TMEM178B: variants seen among roughly 807,000 people sequenced by gnomAD.
TMEM178B encodes transmembrane protein 178B.
A neutral mutation model predicts 31.0 loss-of-function variants in TMEM178B; 5 were observed. The observed-to-expected ratio is 0.16, with a 90% CI of 0.08 to 0.34. The LOEUF (loss-of-function observed/expected upper bound fraction) is 0.34. TMEM178B is among the 10% of genes least tolerant of loss of function. The pLI, the probability that TMEM178B is intolerant of heterozygous loss-of-function variation, is 1.00. For missense variants in TMEM178B, 275 were observed against 400.3 expected, an observed-to-expected ratio of 0.69 and a Z score of 2.67; for synonymous variants, 164 against 164.0, an observed-to-expected ratio of 1.00 and a Z score of 0.00.
intron 2 of TMEM178B, among the ~76,000 whole-genome samples, chr7:141,220,000 A>T (rs1342064732): frequency 6.6e-6 from 1 of 152,094 alleles, no homozygotes; most frequent in African/African-American, 2.4e-5. Context: ...CAAGGGAATT[A>T]TAGGTAACGT....
chr7:141,311,212 G>A (rs1481339996), intron 2 of TMEM178B, among the ~76,000 whole-genome samples: 4 of 152,190 alleles, frequency 2.6e-5, no homozygotes, highest in African/African-American at 7.2e-5. Context: ...ATACCTAGGC[G>A]ATGGGTTGAT....
At chr7:141,441,177 G>A (rs1181749) in intron 3 of TMEM178B, among the ~76,000 whole-genome samples, 1 of 152,016 alleles carries the variant, frequency 6.6e-6, no homozygotes, top group Non-Finnish European at 1.5e-5. Flanking sequence ...TGCACTTCCC[G>A]CCTCTTTGCT....
At chr7:141,156,583 CAGA>C (rs1347623456) in intron 1 of TMEM178B, among the ~76,000 whole-genome samples, 2 of 152,184 alleles carry the variant, frequency 1.3e-5, no homozygotes, top group African/African-American at 4.8e-5. Flanking sequence ...GTGACTTCAG[CAGA>C]AGAAGAAAGG....
At chr7:141,483,338 C>T (rs1283101933), downstream of TMEM178B, among the ~76,000 whole-genome samples, 1 of 152,176 alleles carries the variant, frequency 6.6e-6, no homozygotes, top group Non-Finnish European at 1.5e-5. Context: ...CTCTTTCCCT[C>T]TACAGACAAA....
chr7:141,332,895 GT>G (rs905640333), intron 2 of TMEM178B, among the ~76,000 whole-genome samples: 51 of 152,236 alleles, frequency 3.4e-4, no homozygotes, highest in Admixed American at 6.5e-5. Context: ...GTGCTTTGCT[GT>G]TCATTTCCTG....
At chr7:141,352,972 A>C (rs1799760795) in intron 2 of TMEM178B, among the ~76,000 whole-genome samples, 1 of 152,212 alleles carries the variant, frequency 6.6e-6, no homozygotes. Context: ...TTCTTGAGGC[A>C]TTCACAGTTG....
In TMEM178B at chr7:141,471,841, G is replaced by A. The variant is rs1254646216; in HGVS notation, c.*1055G>A. 1 of 151,518 alleles carries A rather than the reference G, an allele frequency of 6.6e-6. No homozygotes were observed. Among genetic ancestry groups the A allele is most frequent in the Admixed American group, 6.6e-5 (1 of 15,112 alleles). 9.4% of individuals were successfully genotyped at this position (151,518 alleles called of 1,614,324 possible). A position where few individuals can be genotyped will look rare whatever the true frequency, so the allele number is the denominator to read the frequency against. On this transcript the variant is annotated 3_prime_UTR_variant, in exon 4 of 4. Coordinates refer to ENST00000565468, the MANE Select transcript of TMEM178B (RefSeq NM_001195278.2). The surrounding 1 kb of genome is among the most constrained non-coding windows in gnomAD (Gnocchi z 4.1). Reference sequence around the variant, plus strand: ...GTGGTGGATGTTTCTTGAGCGTGGGGTTTTATTGTTTGTGTTGTGTTTTTT... The same window carrying A: ...GTGGTGGATGTTTCTTGAGCGTGGGATTTTATTGTTTGTGTTGTGTTTTTT...
At chr7:141,430,469 G>T (rs1259972016) in intron 2 of TMEM178B, among the ~76,000 whole-genome samples, 1 of 152,164 alleles carries the variant, frequency 6.6e-6, no homozygotes, top group African/African-American at 2.4e-5. Context: ...TTTGAAGTAG[G>T]TATTGTCATA....
intron 2 of TMEM178B, among the ~76,000 whole-genome samples, chr7:141,313,135 G>A (rs1798942696): frequency 6.6e-6 from 1 of 152,142 alleles, no homozygotes; most frequent in African/African-American, 2.4e-5. Flanking sequence ...TCTATTTGGA[G>A]GGATTGGAGT....
chr7:141,357,834 A>G (rs1281337943), intron 2 of TMEM178B, among the ~76,000 whole-genome samples: 1 of 152,186 alleles, frequency 6.6e-6, no homozygotes, highest in Non-Finnish European at 1.5e-5. Context: ...TGTAGAGTGT[A>G]TTCTATTTTG....
At chr7:141,388,745 A>G (rs10245768) in intron 2 of TMEM178B, among the ~76,000 whole-genome samples, 35,291 of 152,228 alleles carry the variant, frequency 0.23, 4,290 homozygotes, top group Admixed American at 0.27. Flanking sequence ...TTTGGAAGTT[A>G]CATGATGCTG....
intron 2 of TMEM178B, among the ~76,000 whole-genome samples, chr7:141,281,535 T>A (rs1586868300): frequency 6.6e-6 from 1 of 152,118 alleles, no homozygotes; most frequent in Admixed American, 6.5e-5. Flanking sequence ...GAACATGAAG[T>A]CCATTAAGAC....
chr7:141,198,273 T>C (rs1237373996), intron 1 of TMEM178B, among the ~76,000 whole-genome samples: 6 of 152,112 alleles, frequency 3.9e-5, no homozygotes, highest in Non-Finnish European at 7.4e-5. Context: ...CTTCTGGAGG[T>C]GCATACCTGG....
intron 2 of TMEM178B, among the ~76,000 whole-genome samples, chr7:141,241,044 T>A (rs922055322): frequency 6.6e-6 from 1 of 151,008 alleles, no homozygotes; most frequent in Non-Finnish European, 1.5e-5. Context: ...GGTACAAGCG[T>A]TTTTTTTTGT....
chr7:141,454,086 C>G (rs541112875), intron 3 of TMEM178B, among the ~76,000 whole-genome samples: 1 of 152,232 alleles, frequency 6.6e-6, no homozygotes, highest in East Asian at 1.9e-4. Flanking sequence ...TTCTGCCACA[C>G]TCCCAGGCAC....
intron 2 of TMEM178B, among the ~76,000 whole-genome samples, chr7:141,369,182 A>C (rs983967623): frequency 7.2e-5 from 11 of 152,118 alleles, no homozygotes. Context: ...ATAAGGTACA[A>C]ATATTCAGTA....
intron 2 of TMEM178B, among the ~76,000 whole-genome samples, chr7:141,400,198 A>C (rs1800734657): frequency 6.6e-6 from 1 of 152,304 alleles, no homozygotes; most frequent in South Asian, 2.1e-4. Flanking sequence ...CAAGCTTAGC[A>C]GAGGTCTCTG....
intron 3 of TMEM178B, among the ~76,000 whole-genome samples, chr7:141,445,475 A>C (rs1801736186): frequency 6.6e-6 from 1 of 152,226 alleles, no homozygotes; most frequent in Admixed American, 6.5e-5. Flanking sequence ...ACTTAGAAAC[A>C]TGCTAGGATG....
chr7:141,207,417 G>A (rs1796984487), intron 1 of TMEM178B, among the ~76,000 whole-genome samples: 1 of 152,178 alleles, frequency 6.6e-6, no homozygotes, highest in Non-Finnish European at 1.5e-5. Context: ...GCATGCAAGA[G>A]TTTCGCTTTC....
Sources: allele counts gnomAD v4.1 joint callset (sites outside exome capture counted in the v4.1 genomes callset), GRCh38; gene constraint gnomAD v4.1.1; non-coding constraint Gnocchi (gnomAD v3.1); transcripts MANE v1.5; gene names NCBI Gene and HGNC (gene_info 2026-07-23, HGNC 2026-07-21).